Variants in TMTC2 observed in about 807,000 individuals in gnomAD.
TMTC2 encodes the protein protein O-mannosyl-transferase TMTC2.
Under a neutral mutation model 82.4 loss-of-function variants are expected in TMTC2, and 43 were observed. The ratio of observed to expected loss-of-function variants is 0.52; its 90% CI spans 0.41 to 0.67. The LOEUF (loss-of-function observed/expected upper bound fraction) is 0.67, where lower values mean the gene tolerates loss of function less well. TMTC2 is among the 30% of genes least tolerant of loss of function. The probability of loss-of-function intolerance (pLI) is 0.00; values close to 1 mark genes in which losing one functional copy is unlikely to be tolerated. For missense variants in TMTC2, 919 were observed against 1,012.4 expected, an observed-to-expected ratio of 0.91 and a Z score of 1.25; for synonymous variants, 408 against 381.9, an observed-to-expected ratio of 1.07 and a Z score of -0.80.
chr12:82,747,514 A>G (rs1366566938), intron 1 of TMTC2, among the ~76,000 whole-genome samples: 1 of 152,222 alleles, frequency 6.6e-6, no homozygotes, highest in Non-Finnish European at 1.5e-5. Context: ...TCTCTGTCAT[A>G]ATGCCAAGTG....
intron 4 of TMTC2, among the ~76,000 whole-genome samples, chr12:82,963,053 T>C (rs909238962): frequency 6.6e-6 from 1 of 151,918 alleles, no homozygotes; most frequent in Admixed American, 6.6e-5. Flanking sequence ...TGATGATTGG[T>C]AGAAATTTAA....
chr12:82,935,651 C>G (rs1431692739), intron 4 of TMTC2, among the ~76,000 whole-genome samples: 1 of 152,008 alleles, frequency 6.6e-6, no homozygotes, highest in Non-Finnish European at 1.5e-5. Flanking sequence ...CGGTCTGTTC[C>G]AAATGATATT....
intron 4 of TMTC2, among the ~76,000 whole-genome samples, chr12:82,942,701 G>A (rs1050906370): frequency 4.0e-4 from 61 of 152,058 alleles, no homozygotes; most frequent in African/African-American, 2.2e-4. Context: ...TAGCTAAGTC[G>A]TTCTTGTCAA....
rs572094777 is a variant in TMTC2, at chr12:82,920,702, A to G, written c.1484-9729A>G. Reference sequence around the variant, plus strand: ...AATAACTCCACAGATCATATTTTCTAGAGCTTATCCAGTGATATTTAGAAG... The same window carrying G: ...AATAACTCCACAGATCATATTTTCTGGAGCTTATCCAGTGATATTTAGAAG... On this transcript the variant is annotated intron_variant, in intron 3 of 11. Transcript: ENST00000321196. Among the ~76,000 whole-genome samples, 59 of 152,210 alleles carry G rather than the reference A, an allele frequency of 3.9e-4. 1 individual carries two copies. The South Asian group carries it at 0.012, about 31-fold the overall frequency.
intron 4 of TMTC2, among the ~76,000 whole-genome samples, chr12:82,937,409 A>G (rs1876374615): frequency 6.6e-6 from 1 of 152,132 alleles, no homozygotes; most frequent in Admixed American, 6.5e-5. Flanking sequence ...CCATCTTCTT[A>G]AAAGGACATC....
intron 7 of TMTC2, among the ~76,000 whole-genome samples, chr12:82,985,356 TTTACTTGTTAAC>T (rs1384578674): frequency 2.0e-5 from 3 of 152,198 alleles, no homozygotes; most frequent in African/African-American, 7.2e-5. Flanking sequence ...CTGGCCTTAA[TTTACTTGTTAAC>T]ATATAAAATT....
chr12:82,905,237 G>A (rs539064503), intron 3 of TMTC2, among the ~76,000 whole-genome samples: 2 of 152,148 alleles, frequency 1.3e-5, no homozygotes, highest in East Asian at 3.9e-4. Context: ...GGCCAACAAA[G>A]TTATAGATAA....
At chr12:83,091,481 A>G (rs1440430502) in intron 11 of TMTC2, among the ~76,000 whole-genome samples, 1 of 152,144 alleles carries the variant, frequency 6.6e-6, no homozygotes, top group Non-Finnish European at 1.5e-5. Context: ...ATACTGCCAG[A>G]TTATTTTCCA....
At chr12:83,068,421 G>GA (rs1406802967) in intron 11 of TMTC2, among the ~76,000 whole-genome samples, 3 of 151,968 alleles carry the variant, frequency 2.0e-5, no homozygotes, top group Admixed American at 6.6e-5. Flanking sequence ...TATGTTGTTG[G>GA]AAAAAAATGA....
chr12:82,948,679 C>G (rs1877169005), intron 4 of TMTC2, among the ~76,000 whole-genome samples: 1 of 152,174 alleles, frequency 6.6e-6, no homozygotes, highest in Non-Finnish European at 1.5e-5. Flanking sequence ...AAAACACCCA[C>G]TTTGTTGAAC....
intron 11 of TMTC2, among the ~76,000 whole-genome samples, chr12:83,099,608 A>T (rs1884144914): frequency 6.6e-6 from 1 of 152,106 alleles, no homozygotes; most frequent in South Asian, 2.1e-4. Context: ...ACATGCAAGG[A>T]TGTTTATGTC....
At chr12:82,911,766 T>C (rs1197167148) in intron 3 of TMTC2, among the ~76,000 whole-genome samples, 2 of 151,996 alleles carry the variant, frequency 1.3e-5, no homozygotes, top group Admixed American at 6.6e-5. Context: ...TAATTAACCA[T>C]GCCTGGCTAA....
In TMTC2 at chr12:83,081,691, A is replaced by G. The variant is rs372808542; in HGVS notation, c.2331+19860A>G. On this transcript the variant is annotated intron_variant, in intron 11 of 11. Transcript: ENST00000321196. ...CCCCTACATATAGATAAAGCAACAT[A>G]CATTCACCTTTAAGAAAATTTCCTG... Among the ~76,000 whole-genome samples, 6 of 152,328 alleles carry G rather than the reference A, an allele frequency of 3.9e-5. No individual in the cohort carries two copies. In the East Asian group the frequency reaches 7.7e-4, roughly 20 times the overall value.
intron 1 of TMTC2, among the ~76,000 whole-genome samples, chr12:82,727,448 A>C (rs1247710725): frequency 1.3e-5 from 2 of 151,814 alleles, no homozygotes; most frequent in African/African-American, 4.8e-5. Context: ...CATAACTTAA[A>C]ATTTTCTGTT....
chr12:82,902,947 G>GAT (rs1874096524), intron 3 of TMTC2, among the ~76,000 whole-genome samples: 1 of 152,196 alleles, frequency 6.6e-6, no homozygotes, highest in Non-Finnish European at 1.5e-5. Context: ...TTATAGATAT[G>GAT]ATAGATATAG....
rs183109714 is a variant in TMTC2, at chr12:82,913,696, A to T, written c.1484-16735A>T. Among the ~76,000 whole-genome samples, 505 of 152,284 alleles carry T rather than the reference A, an allele frequency of 3.3e-3. 8 individuals are homozygous for T. The highest frequency in any genetic ancestry group is 0.03 in the Admixed American group (464 of 15,292). On this transcript the variant is annotated intron_variant, in intron 3 of 11. Coordinates refer to ENST00000321196, the MANE Select transcript of TMTC2 (RefSeq NM_152588.3). ...CTTCTTTTTAATACATGGAAGTATA[A>T]CTTTCTGAATTGTAGTTTCAAGACT...
At chr12:82,775,023 G>A (rs933547514) in intron 1 of TMTC2, among the ~76,000 whole-genome samples, 64 of 152,052 alleles carry the variant, frequency 4.2e-4, no homozygotes, top group Non-Finnish European at 4.9e-4. Context: ...TGTGAGTCTT[G>A]CCATTGGTAA....
At chr12:82,814,635 T>A (rs975767415) in intron 1 of TMTC2, among the ~76,000 whole-genome samples, 6 of 152,072 alleles carry the variant, frequency 3.9e-5, no homozygotes, top group Non-Finnish European at 5.9e-5. Flanking sequence ...CAATCATGAT[T>A]AGAAGGAACA....
At chr12:83,107,586 T>C (rs1332096670) in intron 11 of TMTC2, among the ~76,000 whole-genome samples, 1 of 152,226 alleles carries the variant, frequency 6.6e-6, no homozygotes, top group Non-Finnish European at 1.5e-5. Context: ...TTTGGAGATT[T>C]AGTTTCCAGC....
Sources: allele counts gnomAD v4.1 joint callset (sites outside exome capture counted in the v4.1 genomes callset), GRCh38; gene constraint gnomAD v4.1.1; transcripts MANE v1.5; gene names NCBI Gene and HGNC (gene_info 2026-07-23, HGNC 2026-07-21).